NRG1: variants seen among roughly 807,000 people sequenced by gnomAD.
The protein encoded by NRG1 is neuregulin 1.
In NRG1, 18 loss-of-function variants were observed where a neutral mutation model predicts 63.8. That is an observed-to-expected ratio of 0.28 (90% CI 0.19 to 0.42). The LOEUF (loss-of-function observed/expected upper bound fraction) is 0.42, where lower values mean the gene tolerates loss of function less well. NRG1 is among the 10% of genes least tolerant of loss of function. The pLI, the probability that NRG1 is intolerant of heterozygous loss-of-function variation, is 1.00. For synonymous variants in NRG1, 302 were observed against 301.3 expected (o/e 1.00, Z -0.02); for missense variants, 762 against 814.7 (o/e 0.94, Z 0.79).
intron 1 of NRG1, among the ~76,000 whole-genome samples, chr8:31,848,866 A>C (rs940848553): frequency 2.0e-5 from 3 of 152,190 alleles, no homozygotes; most frequent in East Asian, 3.9e-4. Flanking sequence ...ACTTCATTAT[A>C]TATCACAATG....
chr8:32,459,440 A>C (rs1169807581), intron 1 of NRG1, among the ~76,000 whole-genome samples: 2 of 151,722 alleles, frequency 1.3e-5, no homozygotes, highest in Non-Finnish European at 2.9e-5. Context: ...TGCCTTTTCT[A>C]ACAAATTCTC....
intron 5 of NRG1, among the ~76,000 whole-genome samples, chr8:32,701,331 T>C (rs905075592): frequency 6.6e-6 from 1 of 152,216 alleles, no homozygotes; most frequent in African/African-American, 2.4e-5. Context: ...TATTTTGTTA[T>C]GACTGTGACA....
intron 1 of NRG1, among the ~76,000 whole-genome samples, chr8:31,699,711 T>A (rs188581039): frequency 4.0e-4 from 60 of 151,484 alleles, no homozygotes; most frequent in African/African-American, 1.3e-3. Flanking sequence ...TTCCTTTTTT[T>A]AAAAAAAAAA....
At chr8:32,253,799 C>T (rs1472021128) in intron 1 of NRG1, among the ~76,000 whole-genome samples, 10 of 152,110 alleles carry the variant, frequency 6.6e-5, no homozygotes, top group Admixed American at 2.0e-4. Flanking sequence ...TGGTAGAAAT[C>T]GGCTGTGAAT....
intron 1 of NRG1, among the ~76,000 whole-genome samples, chr8:31,892,519 A>G: frequency 6.6e-6 from 1 of 152,164 alleles, no homozygotes; most frequent in East Asian, 1.9e-4. Context: ...TGCTTAATAT[A>G]TAAACAAGGC....
intron 1 of NRG1, among the ~76,000 whole-genome samples, chr8:31,954,428 C>T (rs1804027977): frequency 6.6e-6 from 1 of 152,080 alleles, no homozygotes; most frequent in Non-Finnish European, 1.5e-5. Context: ...TGCTCAGAAA[C>T]TTTTTTTATT....
intron 1 of NRG1, among the ~76,000 whole-genome samples, chr8:31,788,091 C>T (rs970590135): frequency 6.6e-6 from 1 of 152,062 alleles, no homozygotes; most frequent in Admixed American, 6.6e-5. Context: ...AAAGCTTGTG[C>T]TCTTAACTTC....
chr8:31,876,980 G>A (rs1437126264), intron 1 of NRG1, among the ~76,000 whole-genome samples: 2 of 152,084 alleles, frequency 1.3e-5, no homozygotes, highest in Non-Finnish European at 2.9e-5. Context: ...CTGTTTTAAT[G>A]GGTTGGGGAA....
chr8:32,173,726 G>A (rs1312549370), intron 1 of NRG1, among the ~76,000 whole-genome samples: 1 of 152,030 alleles, frequency 6.6e-6, no homozygotes, highest in Non-Finnish European at 1.5e-5. Context: ...AACCAACAAA[G>A]ATCAAAAGAG....
chr8:32,645,702 A>G (rs1200828237), intron 5 of NRG1, among the ~76,000 whole-genome samples: 1 of 151,972 alleles, frequency 6.6e-6, no homozygotes, highest in African/African-American at 2.4e-5. Flanking sequence ...AGTTTTACAG[A>G]CTCCTATTGA....
chr8:32,136,058 G>T (rs183154203), intron 1 of NRG1, among the ~76,000 whole-genome samples: 1 of 152,020 alleles, frequency 6.6e-6, no homozygotes, highest in East Asian at 1.9e-4. Flanking sequence ...CATTCTCTAG[G>T]TGCCCTTTGC....
chr8:32,547,998 C>CTCCT (rs1436614894), upstream of NRG1, among the ~76,000 whole-genome samples: 1 of 152,122 alleles, frequency 6.6e-6, no homozygotes, highest in Non-Finnish European at 1.5e-5. Flanking sequence ...CTCGGGTCTC[C>CTCCT]GCCTGGGTTC....
intron 1 of NRG1, among the ~76,000 whole-genome samples, chr8:32,228,828 T>C (rs547686926): frequency 3.8e-4 from 58 of 152,200 alleles, no homozygotes; most frequent in Non-Finnish European, 7.1e-4. Context: ...ATGTGCATAC[T>C]TACCAAGTTA....
At chr8:32,282,440 G>A (rs1852977752) in intron 1 of NRG1, among the ~76,000 whole-genome samples, 1 of 152,232 alleles carries the variant, frequency 6.6e-6, no homozygotes, top group South Asian at 2.1e-4. Context: ...CCTTCCATGA[G>A]TGGTTCAGCA....
At chr8:32,499,225 G>A (rs1326528076) in intron 1 of NRG1, among the ~76,000 whole-genome samples, 1 of 152,170 alleles carries the variant, frequency 6.6e-6, no homozygotes, top group Non-Finnish European at 1.5e-5. Context: ...GCAGGTGGGA[G>A]TGGGGCACCC....
chr8:32,083,537 A>G (rs1286689932), intron 1 of NRG1, among the ~76,000 whole-genome samples: 3 of 152,196 alleles, frequency 2.0e-5, no homozygotes, highest in Non-Finnish European at 4.4e-5. Flanking sequence ...GATTTGGATC[A>G]TGAGCAAGAT....
intron 1 of NRG1, among the ~76,000 whole-genome samples, chr8:31,735,193 C>T (rs972413966): frequency 1.3e-5 from 2 of 152,090 alleles, no homozygotes; most frequent in South Asian, 4.1e-4. Context: ...CCCTGACCAC[C>T]CCCATCCTCC....
At position 32,438,112 on chromosome 8, in the gene NRG1, T is replaced by C. The variant is rs1323862183; in HGVS notation, c.38-157716T>C. Among the ~76,000 whole-genome samples the C allele has an allele frequency of 3.9e-5, 6 of 152,160 alleles. No individual in the cohort carries two copies. In the East Asian group the frequency reaches 1.2e-3, roughly 29 times the overall value. ...AGCACAACTTTGATATTGACACTGA[T>C]ACAATCAAGATACAGAACATTTTCA... On this transcript the variant is annotated intron_variant, in intron 1 of 10. Transcript: ENST00000519301.
chr8:32,230,775 G>A (rs1029776142), intron 1 of NRG1, among the ~76,000 whole-genome samples: 9 of 100,790 alleles, frequency 8.9e-5, no homozygotes, highest in Non-Finnish European at 1.8e-4. Context: ...TATATACATG[G>A]GGTACATGTG....
Sources: gnomAD v4.1 joint callset for allele counts (sites outside exome capture counted in the v4.1 genomes callset) on GRCh38, gnomAD v4.1.1 for gene constraint, MANE v1.5 for transcripts, NCBI Gene and HGNC (gene_info 2026-07-23, HGNC 2026-07-21) for gene names.